CSGALNACT2: variants seen among roughly 807,000 people sequenced by gnomAD.
CSGALNACT2 encodes beta 4 GalNAcT-2.
A neutral mutation model predicts 55.3 loss-of-function variants in CSGALNACT2; 35 were observed. The observed-to-expected ratio is 0.63, with a 90% CI of 0.48 to 0.84. CSGALNACT2 has a LOEUF of 0.84. CSGALNACT2 is among the 40% of genes least tolerant of loss of function. The pLI is 0.00. For missense variants in CSGALNACT2, 544 were observed against 657.5 expected, an observed-to-expected ratio of 0.83 and a Z score of 1.89; for synonymous variants, 196 against 224.9, an observed-to-expected ratio of 0.87 and a Z score of 1.15.
At chr10:43,163,541 A>G (rs773026163) in intron 4 of CSGALNACT2, 53 of 985,308 alleles carry the variant, frequency 5.4e-5, no homozygotes, top group Non-Finnish European at 6.0e-5. Flanking sequence ...TTTAGAATGC[A>G]TTATTAACAG....
chr10:43,145,410 CTTTTTTT>C (rs71016727), intron 1 of CSGALNACT2, among the ~76,000 whole-genome samples: 37 of 99,402 alleles, frequency 3.7e-4, no homozygotes, highest in Non-Finnish European at 6.3e-4. Context: ...TTGTTTGTTT[CTTTTTTT>C]TTTTTTTTTT....
At chr10:43,157,756 C>T (rs1467041959) in intron 2 of CSGALNACT2, among the ~76,000 whole-genome samples, 1 of 152,050 alleles carries the variant, frequency 6.6e-6, no homozygotes, top group Non-Finnish European at 1.5e-5. Flanking sequence ...TGCCACTGGG[C>T]GCAGTGGCTC....
At chr10:43,139,778 C>T (rs1838577678) in intron 1 of CSGALNACT2, among the ~76,000 whole-genome samples, 1 of 152,236 alleles carries the variant, frequency 6.6e-6, no homozygotes, top group African/African-American at 2.4e-5. Context: ...TTGTGGGACA[C>T]ACCCATGCTA....
intron 7 of CSGALNACT2, among the ~76,000 whole-genome samples, chr10:43,181,013 G>T (rs1307802862): frequency 6.6e-6 from 1 of 152,204 alleles, no homozygotes; most frequent in Non-Finnish European, 1.5e-5. Context: ...ACTTTAAAAT[G>T]ATTACCTTTT....
chr10:43,162,647 T>C, intron 4 of CSGALNACT2: 2 of 985,466 alleles, frequency 2.0e-6, no homozygotes, highest in Non-Finnish European at 2.4e-6. Context: ...CTGTTGTAAG[T>C]GTAATCCTCC....
intron 4 of CSGALNACT2, among the ~76,000 whole-genome samples, chr10:43,161,234 C>A (rs1839141476): frequency 6.6e-6 from 1 of 152,170 alleles, no homozygotes. Context: ...ACTTAACTGC[C>A]AAATTCTTTT....
rs1481511229 is a variant in CSGALNACT2, at chr10:43,154,206, A to G, written c.-253-691A>G. Among the ~76,000 whole-genome samples the G allele has an allele frequency of 6.6e-5, 10 of 152,350 alleles. No individual in the cohort carries two copies. In the East Asian group the frequency reaches 1.2e-3, roughly 18 times the overall value. ...ACTGTAACAGAAACAGTTTCTATAA[A>G]CTCAGTTCCCAAATGGTCATAAGCT... On this transcript the variant is annotated intron_variant, in intron 1 of 7. Transcript: ENST00000374466.
chr10:43,142,472 G>A (rs1343031990), intron 1 of CSGALNACT2, among the ~76,000 whole-genome samples: 1 of 152,170 alleles, frequency 6.6e-6, no homozygotes, highest in Non-Finnish European at 1.5e-5. Flanking sequence ...AAAGTGCTGG[G>A]ATTACACGCA....
intron 1 of CSGALNACT2, among the ~76,000 whole-genome samples, chr10:43,151,621 T>C (rs1361427992): frequency 2.0e-5 from 3 of 152,178 alleles, no homozygotes; most frequent in Non-Finnish European, 4.4e-5. Flanking sequence ...CAAATACCCA[T>C]GGGATATCCT....
intron 6 of CSGALNACT2, among the ~76,000 whole-genome samples, chr10:43,168,936 T>C (rs1305842567): frequency 1.3e-5 from 2 of 152,198 alleles, no homozygotes; most frequent in African/African-American, 2.4e-5. Context: ...CAGACTAGAA[T>C]GTGTTCAAGA....
chr10:43,160,705 C>T, intron 4 of CSGALNACT2, 110 bp downstream of exon 4: 1 of 659,304 alleles, frequency 1.5e-6, no homozygotes, highest in South Asian at 1.7e-5. Flanking sequence ...TAAAAATTGG[C>T]TGAGCATGTG....
intron 6 of CSGALNACT2, among the ~76,000 whole-genome samples, chr10:43,170,225 G>A (rs1839356349): frequency 6.6e-6 from 1 of 152,222 alleles, no homozygotes; most frequent in African/African-American, 2.4e-5. Flanking sequence ...TCAGCTGAGA[G>A]GGCCTAGAAC....
chr10:43,152,350 GTTTC>G (rs1333505946), intron 1 of CSGALNACT2, among the ~76,000 whole-genome samples: 12 of 152,148 alleles, frequency 7.9e-5, no homozygotes, highest in Admixed American at 7.9e-4. Context: ...TGGCCAAAGA[GTTTC>G]TTTCGGGAAC....
intron 6 of CSGALNACT2, among the ~76,000 whole-genome samples, chr10:43,168,951 A>G (rs985196646): frequency 3.9e-5 from 6 of 152,222 alleles, no homozygotes; most frequent in African/African-American, 9.6e-5. Flanking sequence ...TCAAGAGAAC[A>G]GTGAGTGAAG....
intron 1 of CSGALNACT2, among the ~76,000 whole-genome samples, chr10:43,145,410 C>CTTTT (rs71016727): frequency 1.9e-4 from 19 of 99,384 alleles, no homozygotes; most frequent in African/African-American, 2.3e-4. Context: ...TTGTTTGTTT[C>CTTTT]TTTTTTTTTT....
intron 2 of CSGALNACT2, among the ~76,000 whole-genome samples, chr10:43,157,412 A>C (rs567702998): frequency 3.9e-5 from 6 of 152,220 alleles, no homozygotes; most frequent in Non-Finnish European, 8.8e-5. Context: ...TGCAGGGAGA[A>C]TAATTACTAA....
intron 6 of CSGALNACT2, among the ~76,000 whole-genome samples, chr10:43,174,926 C>CTTCA (rs1839450293): frequency 6.6e-6 from 1 of 152,188 alleles, no homozygotes; most frequent in South Asian, 2.1e-4. Context: ...GTTTATCAGG[C>CTTCA]TTCAACTTGT....
At chr10:43,147,349 A>G (rs1362259557) in intron 1 of CSGALNACT2, among the ~76,000 whole-genome samples, 2 of 124,156 alleles carry the variant, frequency 1.6e-5, no homozygotes, top group Non-Finnish European at 3.5e-5. Flanking sequence ...GTTTGTTATT[A>G]TTTCATTTTG....
intron 5 of CSGALNACT2, among the ~76,000 whole-genome samples, chr10:43,165,024 C>G (rs982614770): frequency 1.3e-5 from 2 of 151,904 alleles, no homozygotes; most frequent in African/African-American, 4.8e-5. Context: ...GAGATGGAGA[C>G]CATCCTGGCT....
Sources: allele counts gnomAD v4.1 joint callset (sites outside exome capture counted in the v4.1 genomes callset), GRCh38; gene constraint gnomAD v4.1.1; transcripts MANE v1.5; gene names NCBI Gene and HGNC (gene_info 2026-07-23, HGNC 2026-07-21).